Variants in SPECC1 observed in about 807,000 individuals in gnomAD.
SPECC1 encodes cytospin-B.
SPECC1 carries 62 observed loss-of-function variants against 104.1 expected under a neutral mutation model. The ratio of observed to expected loss-of-function variants is 0.60; its 90% CI spans 0.49 to 0.74. The LOEUF is 0.74. Among genes scored for constraint, SPECC1 ranks in the 30% least tolerant of loss-of-function variants. The probability of loss-of-function intolerance (pLI) is 0.00; values close to 1 mark genes in which losing one functional copy is unlikely to be tolerated. For missense variants in SPECC1, 1,306 were observed against 1,310.5 expected (o/e 1.00, Z 0.05); for synonymous variants, 513 against 501.6 (o/e 1.02, Z -0.30).
intron 3 of SPECC1, among the ~76,000 whole-genome samples, chr17:20,168,655 T>C (rs1303652881): frequency 2.0e-5 from 3 of 152,178 alleles, no homozygotes; most frequent in Non-Finnish European, 4.4e-5. Flanking sequence ...TTGTAGATAC[T>C]AGAATTCTCT....
intron 1 of SPECC1, among the ~76,000 whole-genome samples, chr17:20,046,500 C>T (rs1172784489): frequency 1.3e-5 from 2 of 152,042 alleles, no homozygotes; most frequent in African/African-American, 4.8e-5. Context: ...GACAGAAATC[C>T]CTGCCCCTCT....
chr17:20,240,060 ATTTTTTT>A (rs748689632), intron 7 of SPECC1, among the ~76,000 whole-genome samples: 4 of 32,178 alleles, frequency 1.2e-4, no homozygotes, highest in African/African-American at 1.5e-4. Flanking sequence ...TGTCCAGCTA[ATTTTTTT>A]TTTTTTTTTT....
At chr17:20,062,918 C>A (rs1055008654) in intron 1 of SPECC1, among the ~76,000 whole-genome samples, 1 of 151,962 alleles carries the variant, frequency 6.6e-6, no homozygotes, top group Non-Finnish European at 1.5e-5. Flanking sequence ...GAACTCCTGA[C>A]CTCAAGTGAT....
At chr17:20,051,117 T>TTTCCTTCTTTCC (rs1491556437) in intron 1 of SPECC1, among the ~76,000 whole-genome samples, 114 of 92,822 alleles carry the variant, frequency 1.2e-3, no homozygotes, top group East Asian at 2.9e-3. Context: ...TCTTTCTTTC[T>TTTCCTTCTTTCC]TTCTTTCTTT....
intron 12 of SPECC1, among the ~76,000 whole-genome samples, chr17:20,261,867 C>T (rs2040037315): frequency 6.6e-6 from 1 of 152,160 alleles, no homozygotes. Flanking sequence ...GTCATGCAGT[C>T]ACCACTCCCA....
chr17:20,071,376 GTGTGTGTT>G (rs2046546841), intron 1 of SPECC1, among the ~76,000 whole-genome samples: 1 of 122,888 alleles, frequency 8.1e-6, no homozygotes, highest in African/African-American at 2.8e-5. Context: ...GTTTGTGTTT[GTGTGTGTT>G]TGTGTGTGTG....
intron 1 of SPECC1, among the ~76,000 whole-genome samples, chr17:20,057,269 A>G (rs2046001516): frequency 6.6e-6 from 1 of 152,092 alleles, no homozygotes; most frequent in Non-Finnish European, 1.5e-5. Context: ...GTGAAACCCC[A>G]TCTCTACTAA....
At chr17:20,242,290 G>C (rs2039237393) in intron 7 of SPECC1, among the ~76,000 whole-genome samples, 1 of 152,228 alleles carries the variant, frequency 6.6e-6, no homozygotes, top group Non-Finnish European at 1.5e-5. Context: ...GCAAATTAGA[G>C]AGGTTAAATA....
At chr17:20,037,488 C>CTT (rs1240097367) in intron 1 of SPECC1, among the ~76,000 whole-genome samples, 5 of 141,404 alleles carry the variant, frequency 3.5e-5, no homozygotes, top group Non-Finnish European at 4.7e-5. Context: ...TCCAGTGCTT[C>CTT]TTTTTTTTTT....
At chr17:20,143,706 G>GT in intron 3 of SPECC1, among the ~76,000 whole-genome samples, 1 of 152,132 alleles carries the variant, frequency 6.6e-6, no homozygotes, top group Non-Finnish European at 1.5e-5. Flanking sequence ...TATGGGGATG[G>GT]TTTTCTAAGC....
chr17:20,261,451 A>G lies in SPECC1; in HGVS notation c.2940+1157A>G, dbSNP rs570578411. Among the ~76,000 whole-genome samples, 5 of 150,874 alleles carry G rather than the reference A, an allele frequency of 3.3e-5. No homozygotes were observed. In the East Asian group the frequency reaches 5.8e-4, roughly 18 times the overall value. ...CGGGAGGCGAAGCTTGCAGTGAGCC[A>G]AGATTGCGCCACTGCACTCCAGGCT... On this transcript the variant is annotated intron_variant, in intron 12 of 14. Transcript: ENST00000395527.
Position 20,253,557 on chromosome 17 carries a change from G to A in SPECC1, c.2651G>A (p.Arg884His), listed in dbSNP as rs761529497. 68 of 1,614,030 alleles carry A rather than the reference G, an allele frequency of 4.2e-5. No individual in the cohort carries two copies. Among genetic ancestry groups the A allele is most frequent in the Middle Eastern group, 1.7e-4 (1 of 5,968 alleles). Residue 884 changes from arginine to histidine, a missense_variant, in exon 10 of 15, where the codon CGC (arginine) becomes CAC (histidine). Around this residue, in one of 2 missense-constraint regions of SPECC1, gnomAD observed 1,177 missense variants for 1,139.9 expected, o/e 1.03. Transcript: ENST00000395527. Reference sequence around the variant, plus strand: ...CCAGCCAGCAGAGGGGTGACTCAACGCTTGGACCTTCCTGACCTTCCCCTC... The same window carrying A: ...CCAGCCAGCAGAGGGGTGACTCAACACTTGGACCTTCCTGACCTTCCCCTC... ...VRPASRGVTQ[R>H]LDLPDLPLSD...
intron 3 of SPECC1, among the ~76,000 whole-genome samples, chr17:20,143,925 C>T (rs2152562109): frequency 6.6e-6 from 1 of 152,278 alleles, no homozygotes; most frequent in South Asian, 2.1e-4. Context: ...TGGGGGAGCC[C>T]AGGCAACAGG....
intron 12 of SPECC1, among the ~76,000 whole-genome samples, chr17:20,273,600 GA>G (rs2040482388): frequency 6.6e-6 from 1 of 152,174 alleles, no homozygotes; most frequent in Non-Finnish European, 1.5e-5. Flanking sequence ...GTGCACAGAA[GA>G]GAGAACGTTT....
At chr17:20,132,517 G>T (rs751952250) in intron 3 of SPECC1, among the ~76,000 whole-genome samples, 1 of 140,856 alleles carries the variant, frequency 7.1e-6, no homozygotes, top group Non-Finnish European at 1.5e-5. Context: ...CTACTTAGAA[G>T]TTTGTTTGTT....
chr17:20,301,150 A>G (rs1471655463), intron 13 of SPECC1, among the ~76,000 whole-genome samples: 5 of 152,130 alleles, frequency 3.3e-5, no homozygotes, highest in South Asian at 2.1e-4. Context: ...TATCTATCAC[A>G]GTTACGGGTG....
At chr17:20,297,550 G>T (rs550071379) in intron 13 of SPECC1, among the ~76,000 whole-genome samples, 1 of 152,232 alleles carries the variant, frequency 6.6e-6, no homozygotes, top group South Asian at 2.1e-4. Context: ...ACACAACAAG[G>T]GTTGGCAAAT....
rs773106064 is a variant in SPECC1 at position 20,204,843 on chromosome 17, G to T, written c.794G>T (p.Gly265Val). The T allele has an allele frequency of 5.0e-6, 8 of 1,613,848 alleles. No homozygotes were observed. The highest frequency in any genetic ancestry group is 1.6e-4 in the Middle Eastern group (1 of 6,082). ...IYLEHSPNSE[G>V]AASHTGDSSC... is the part of the protein sequence containing the mutation. ...CTTGAGCACTCCCCAAATTCAGAAG[G>T]GGCAGCAAGTCACACTGGCGACAGC... The change falls in exon 4 of 15, where the codon GGG becomes GTG. Residue 265 changes from glycine (G) to valine (V), a missense_variant. Transcript: ENST00000395527.
chr17:20,051,105 T>G (rs187114401), intron 1 of SPECC1, among the ~76,000 whole-genome samples: 4 of 129,272 alleles, frequency 3.1e-5, no homozygotes, highest in African/African-American at 1.2e-4. Flanking sequence ...TCTTTCTTTC[T>G]TTCTTTCTTT....
Sources: gnomAD v4.1 joint callset for allele counts (sites outside exome capture counted in the v4.1 genomes callset) on GRCh38, gnomAD v4.1.1 for gene constraint, gnomAD v4.1.1 regional missense constraint, MANE v1.5 for transcripts, NCBI Gene and HGNC (gene_info 2026-07-23, HGNC 2026-07-21) for gene names.